The following TMPO variants were observed in gnomAD, a reference collection of about 807,000 sequenced individuals.
The protein encoded by TMPO is thymopoietin.
A neutral mutation model predicts 45.4 loss-of-function variants in TMPO; 22 were observed. That is an observed-to-expected ratio of 0.48 (90% CI 0.35 to 0.69). The LOEUF is 0.69. Among genes scored for constraint, TMPO ranks in the 30% least tolerant of loss-of-function variants. The probability of loss-of-function intolerance (pLI) is 0.01; values close to 1 mark genes in which losing one functional copy is unlikely to be tolerated. For synonymous variants in TMPO, 241 were observed against 204.1 expected, an observed-to-expected ratio of 1.18 and a Z score of -1.54; for missense variants, 512 against 548.8, an observed-to-expected ratio of 0.93 and a Z score of 0.67.
intron 1 of TMPO, among the ~76,000 whole-genome samples, chr12:98,523,842 A>AT (rs1876562781): frequency 2.0e-5 from 3 of 151,984 alleles, no homozygotes; most frequent in Admixed American, 2.0e-4. Context: ...CACCTGGCTA[A>AT]TTTTTGTATT....
Position 98,515,692 on chromosome 12 carries a change from T to C in TMPO, c.-176T>C, listed in dbSNP as rs1875721495. 4 of 1,385,326 alleles carry C rather than the reference T, an allele frequency of 2.9e-6. No homozygotes were observed. The East Asian group carries it at 1.0e-4, about 35-fold the overall frequency. The allele number at this position is 1,385,326 out of a possible 1,614,324, so 85.8% of individuals were successfully genotyped here. On this transcript the variant is annotated 5_prime_UTR_variant, in exon 1 of 9. Transcript: ENST00000556029. ...CGTAGTTCGGCTCTGGGGTCTTTTG[T>C]GTCCGGGTCTGGCTTGGCTTTGTGT...
chr12:98,534,364 A>G, intron 3 of TMPO: 2 of 1,608,838 alleles, frequency 1.2e-6, no homozygotes, highest in Non-Finnish European at 1.7e-6. Flanking sequence ...ACAAAAAGAC[A>G]TCTATCTTAT....
Position 98,544,960 on chromosome 12 carries a change from AGGG to A in TMPO, c.890_892del (p.Arg297_Val298delinsMet). On this transcript the variant is annotated inframe_deletion, in exon 7 of 9. Transcript: ENST00000556029. ...ATTTGAATCTTGGCAGGTTGTCAAT[AGGG>A]TGACTGGAAATTTCAAGCATGCATC... 1 of 1,612,084 alleles carries A rather than the reference AGGG, an allele frequency of 6.2e-7. No homozygotes were observed. The highest frequency in any genetic ancestry group is 8.5e-7 in the Non-Finnish European group (1 of 1,179,072).
intron 1 of TMPO, chr12:98,516,577 G>A: frequency 1.0e-6 from 1 of 1,000,744 alleles, no homozygotes; most frequent in Non-Finnish European, 1.2e-6. Context: ...GAGTCTCAGA[G>A]CGCTCCCTGG....
intron 3 of TMPO, chr12:98,533,585 G>A: frequency 6.2e-7 from 1 of 1,614,140 alleles, no homozygotes; most frequent in Middle Eastern, 1.6e-4. Flanking sequence ...AGGGATTCAG[G>A]TTCCTTTGTG....
intron 1 of TMPO, among the ~76,000 whole-genome samples, chr12:98,521,909 T>C (rs898332249): frequency 3.3e-5 from 5 of 152,198 alleles, no homozygotes; most frequent in Admixed American, 6.6e-5. Context: ...TTTTTATTTT[T>C]AGTAGAGACA....
intron 8 of TMPO, 147 bp downstream of exon 8, chr12:98,546,594 C>T: frequency 1.5e-6 from 1 of 679,336 alleles, no homozygotes; most frequent in Non-Finnish European, 2.7e-6. Flanking sequence ...GTAGTCCCAG[C>T]TACTCAAGAG....
intron 1 of TMPO, among the ~76,000 whole-genome samples, chr12:98,520,882 AT>A (rs773126060): frequency 7.9e-5 from 12 of 152,168 alleles, no homozygotes; most frequent in South Asian, 2.1e-4. Context: ...TCCAGGTCAT[AT>A]TTCTTAAAGA....
chr12:98,534,674 G>T, intron 3 of TMPO: 1 of 1,126,418 alleles, frequency 8.9e-7, no homozygotes, highest in South Asian at 2.2e-5. Flanking sequence ...AGTATTTACT[G>T]TTCAATAGAA....
chr12:98,536,769 G>A (rs559086219), intron 3 of TMPO, among the ~76,000 whole-genome samples: 75 of 152,286 alleles, frequency 4.9e-4, no homozygotes, highest in Admixed American at 1.2e-3. Context: ...GCGTTGTTAG[G>A]TTAATAACTA....
rs1451352156 is a variant in TMPO at position 98,515,822 on chromosome 12, C to T, written c.-46C>T. ...CCAGGAGCAAGCGCGCCGGCGTGAG[C>T]GGCGGCGGCAAAGGCTGTGGGGAGG... is the stretch of plus-strand genomic sequence containing the variant. On this transcript the variant is annotated 5_prime_UTR_variant, in exon 1 of 9. Transcript: ENST00000556029. 5.1e-6 allele frequency: 8 copies of T among 1,580,806 alleles called. No homozygotes were observed. The highest frequency in any genetic ancestry group is 1.4e-5 in the African/African-American group (1 of 73,870).
chr12:98,519,700 A>G (rs1876182534), intron 1 of TMPO, among the ~76,000 whole-genome samples: 1 of 152,240 alleles, frequency 6.6e-6, no homozygotes, highest in Non-Finnish European at 1.5e-5. Flanking sequence ...ACTTGAAGAA[A>G]AATATTGGTA....
intron 4 of TMPO, among the ~76,000 whole-genome samples, chr12:98,543,672 T>A (rs1308599154): frequency 2.0e-5 from 3 of 152,228 alleles, no homozygotes; most frequent in Non-Finnish European, 2.9e-5. Context: ...TACCTAATTT[T>A]GTATCTGTTT....
rs80156156 is a variant in TMPO, at chr12:98,530,675, G to A, written c.407-1005G>A. 5.3e-5 allele frequency among the ~76,000 whole-genome samples: 8 copies of A among 152,268 alleles called. No individual in the cohort carries two copies. The East Asian group carries it at 1.3e-3, about 26-fold the overall frequency. ...CTGCAAAGTTGTTATATTTAAATCT[G>A]ATTTATAGAACTTTTCTTTTCCCCA... On this transcript the variant is annotated intron_variant, in intron 2 of 8. Transcript: ENST00000556029.
chr12:98,543,766 GATT>G (rs1482275844), intron 4 of TMPO, among the ~76,000 whole-genome samples: 2 of 152,172 alleles, frequency 1.3e-5, no homozygotes, highest in African/African-American at 2.4e-5. Flanking sequence ...CTACTAAAAT[GATT>G]ATAACCATAT....
rs530880544 is a variant in TMPO, at chr12:98,547,527, C to G, written c.1080-46C>G. 47 of 1,608,592 alleles carry G rather than the reference C, an allele frequency of 2.9e-5. No individual in the cohort carries two copies. The African/African-American group carries it at 5.7e-4, about 20-fold the overall frequency. The stretch of plus-strand genomic sequence containing the variant: ...TTTTATGTTATTTCTCTAAATCATG[C>G]CTTTATCTAAAATTATTTTTCTTTT... On this transcript the variant is annotated intron_variant, in intron 8 of 8. Transcript: ENST00000556029.
chr12:98,528,377 T>A (rs554760961), intron 2 of TMPO, among the ~76,000 whole-genome samples: 1 of 151,734 alleles, frequency 6.6e-6, no homozygotes, highest in East Asian at 1.9e-4. Context: ...CCCGGGTTCA[T>A]GCCATTCTCC....
rs149654482 is a variant in TMPO, at chr12:98,536,470, T to A, written c.566-1005T>A. 5.6e-3 allele frequency among the ~76,000 whole-genome samples: 853 copies of A among 152,088 alleles called. 11 individuals carry two copies. The highest frequency in any genetic ancestry group is 0.019 in the African/African-American group (807 of 41,516). On this transcript the variant is annotated intron_variant, in intron 3 of 8. Transcript: ENST00000556029. ...CCAGGTTCAAGCAATTCTCCTGCCT[T>A]AGCCTCCTGAGTAGCTGGGATTACA...
intron 1 of TMPO, among the ~76,000 whole-genome samples, chr12:98,525,983 A>G (rs189182199): frequency 1.3e-5 from 2 of 152,224 alleles, no homozygotes; most frequent in East Asian, 3.9e-4. Flanking sequence ...TTCTGTGATC[A>G]CTGAGGCATT....
Sources: allele counts gnomAD v4.1 joint callset (sites outside exome capture counted in the v4.1 genomes callset), GRCh38; gene constraint gnomAD v4.1.1; transcripts MANE v1.5; gene names NCBI Gene and HGNC (gene_info 2026-07-23, HGNC 2026-07-21).